Variants in JMJD1C observed in about 807,000 individuals in gnomAD.
JMJD1C encodes jumonji domain-containing protein 1C.
In JMJD1C, 31 loss-of-function variants were observed where a neutral mutation model predicts 245.3. The observed-to-expected ratio is 0.13, with a 90% CI of 0.09 to 0.17. The LOEUF (loss-of-function observed/expected upper bound fraction) is 0.17, where lower values mean the gene tolerates loss of function less well. JMJD1C is among the 10% of genes least tolerant of loss of function. The pLI, the probability that JMJD1C is intolerant of heterozygous loss-of-function variation, is 1.00. For synonymous variants in JMJD1C, 1,057 were observed against 1,017.4 expected, an observed-to-expected ratio of 1.04 and a Z score of -0.74; for missense variants, 2,691 against 3,000.2, an observed-to-expected ratio of 0.90 and a Z score of 2.41.
intron 1 of JMJD1C, among the ~76,000 whole-genome samples, chr10:63,406,081 G>C (rs1371420067): frequency 6.6e-6 from 1 of 152,112 alleles, no homozygotes; most frequent in African/African-American, 2.4e-5. Flanking sequence ...TATTACATGG[G>C]AAAGATGGTG....
rs1851557460 is a variant in JMJD1C, at chr10:63,242,134, G to A, written c.448-22151C>T. Among the ~76,000 whole-genome samples the A allele has an allele frequency of 2.0e-5, 3 of 152,162 alleles. No homozygotes were observed. In the South Asian group the frequency reaches 6.2e-4, roughly 31 times the overall value. ...GTTCACAGGGGCATGCGAAAAGAATGCCAAATGATATACTAAGGGCTAGGG... is the reference window on the plus strand; with the variant it reads ...GTTCACAGGGGCATGCGAAAAGAATACCAAATGATATACTAAGGGCTAGGG... On this transcript the variant is annotated intron_variant, in intron 3 of 25. Transcript: ENST00000399262.
chr10:63,338,876 C>A (rs567679078), intron 2 of JMJD1C, among the ~76,000 whole-genome samples: 28 of 151,536 alleles, frequency 1.8e-4, no homozygotes, highest in Middle Eastern at 6.8e-3. Context: ...CTTGAACTCT[C>A]AACCTCAGGT....
chr10:63,442,506 C>A (rs1211516505), intron 1 of JMJD1C, among the ~76,000 whole-genome samples: 1 of 152,116 alleles, frequency 6.6e-6, no homozygotes, highest in Non-Finnish European at 1.5e-5. Flanking sequence ...AGCAATGCAG[C>A]AGAATGTTAT....
chr10:63,367,917 T>C (rs1035930546), intron 2 of JMJD1C, among the ~76,000 whole-genome samples: 2 of 152,206 alleles, frequency 1.3e-5, no homozygotes, highest in Non-Finnish European at 2.9e-5. Flanking sequence ...CCTGAATGCA[T>C]TATGGAGATA....
chr10:63,199,408 C>A (rs1418043888), intron 11 of JMJD1C, among the ~76,000 whole-genome samples: 2 of 152,126 alleles, frequency 1.3e-5, no homozygotes, highest in East Asian at 3.8e-4. Flanking sequence ...GTCTAAGATA[C>A]AAGTCATACT....
At chr10:63,175,585 T>C (rs1199235081) in intron 24 of JMJD1C, among the ~76,000 whole-genome samples, 1 of 152,234 alleles carries the variant, frequency 6.6e-6, no homozygotes, top group Admixed American at 6.5e-5. Context: ...GGTAAACTAA[T>C]ATACATCAGC....
At chr10:63,442,408 T>C (rs1445730341) in intron 1 of JMJD1C, among the ~76,000 whole-genome samples, 2 of 152,220 alleles carry the variant, frequency 1.3e-5, no homozygotes, top group African/African-American at 4.8e-5. Context: ...TGTGTATTCA[T>C]ATTTGTTTCA....
chr10:63,459,525 G>A (rs1038795472), intron 1 of JMJD1C, among the ~76,000 whole-genome samples: 7 of 152,088 alleles, frequency 4.6e-5, no homozygotes, highest in African/African-American at 1.2e-4. Context: ...TAAATATTTA[G>A]AAAGTTAGAT....
At chr10:63,481,494 A>G (rs1043567590) in intron 1 of JMJD1C, among the ~76,000 whole-genome samples, 1 of 152,058 alleles carries the variant, frequency 6.6e-6, no homozygotes, top group Non-Finnish European at 1.5e-5. Context: ...CTAAACAAAC[A>G]GCCTTTCTTA....
chr10:63,513,323 A>C (rs181533319), intron 1 of JMJD1C, among the ~76,000 whole-genome samples: 3 of 152,310 alleles, frequency 2.0e-5, no homozygotes, highest in East Asian at 3.9e-4. Context: ...TGGATTTAAG[A>C]CTTCAATGTA....
intron 2 of JMJD1C, among the ~76,000 whole-genome samples, chr10:63,318,940 C>T (rs913305911): frequency 2.0e-5 from 3 of 152,000 alleles, no homozygotes; most frequent in Admixed American, 1.3e-4. Flanking sequence ...TTTATTATGG[C>T]TTTAATATCT....
chr10:63,189,367 C>G lies in JMJD1C; in HGVS notation c.6371G>C (p.Ser2124Thr). The change falls in exon 18 of 26, where the codon AGT becomes ACT. Residue 2124 changes from serine to threonine, a missense_variant. Transcript: ENST00000399262. The stretch of plus-strand genomic sequence containing the variant: ...TTTTACATTTATCTTGGAGGTTTTA[C>G]TTGGTGGAATTTTGTTTTCAACAAC... ...ASVVENKIPPSKTSKINVKPE... is the reference protein window; with the variant it reads ...ASVVENKIPPTKTSKINVKPE... 1.2e-6 allele frequency: 2 copies of G among 1,613,702 alleles called. No homozygotes were observed. The highest frequency in any genetic ancestry group is 1.7e-6 in the Non-Finnish European group (2 of 1,179,866).
At chr10:63,294,514 G>A (rs1253938946) in intron 2 of JMJD1C, among the ~76,000 whole-genome samples, 1 of 152,066 alleles carries the variant, frequency 6.6e-6, no homozygotes, top group Non-Finnish European at 1.5e-5. Context: ...TCCATCTCTT[G>A]ACCTCGTGAT....
intron 1 of JMJD1C, among the ~76,000 whole-genome samples, chr10:63,454,383 G>A (rs935568417): frequency 1.3e-5 from 2 of 151,590 alleles, no homozygotes; most frequent in Admixed American, 6.6e-5. Flanking sequence ...TCAGCCTCCA[G>A]AGTAGCCGGG....
At chr10:63,193,629 TAC>T (rs749156287) in intron 14 of JMJD1C, 157 bp from the exon 15 acceptor site, 100 of 518,894 alleles carry the variant, frequency 1.9e-4, no homozygotes, top group Admixed American at 5.3e-4. Flanking sequence ...TTCCATCTAT[TAC>T]AGTTTTGATT....
chr10:63,374,060 C>A (rs1466072498), intron 2 of JMJD1C, among the ~76,000 whole-genome samples: 1 of 152,042 alleles, frequency 6.6e-6, no homozygotes, highest in Non-Finnish European at 1.5e-5. Flanking sequence ...TGACAATATC[C>A]CATTGCATAG....
chr10:63,491,455 C>T (rs1229091551), intron 1 of JMJD1C, among the ~76,000 whole-genome samples: 1 of 152,060 alleles, frequency 6.6e-6, no homozygotes, highest in Non-Finnish European at 1.5e-5. Flanking sequence ...CTCTTGATCC[C>T]CCTTCCTTTC....
chr10:63,425,365 T>C (rs1201390155), intron 1 of JMJD1C, among the ~76,000 whole-genome samples: 1 of 152,212 alleles, frequency 6.6e-6, no homozygotes, highest in Non-Finnish European at 1.5e-5. Flanking sequence ...AGTGGTAGTT[T>C]AGATCTTATG....
At chr10:63,305,108 C>G (rs906419973) in intron 2 of JMJD1C, among the ~76,000 whole-genome samples, 15 of 152,182 alleles carry the variant, frequency 9.9e-5, no homozygotes, top group African/African-American at 3.4e-4. Flanking sequence ...GTGGCTCACA[C>G]CTGTAATCCC....
Sources: allele counts gnomAD v4.1 joint callset (sites outside exome capture counted in the v4.1 genomes callset), GRCh38; gene constraint gnomAD v4.1.1; transcripts MANE v1.5; gene names NCBI Gene and HGNC (gene_info 2026-07-23, HGNC 2026-07-21).